The following SEMA3C variants were observed in gnomAD, a reference collection of about 807,000 sequenced individuals.
SEMA3C encodes the protein semaphorin 3C, also known as semaphorin-3C.
A neutral mutation model predicts 89.4 loss-of-function variants in SEMA3C; 47 were observed. That is an observed-to-expected ratio of 0.53 (90% CI 0.42 to 0.67). The LOEUF (loss-of-function observed/expected upper bound fraction) is 0.67. SEMA3C is among the 30% of genes least tolerant of loss of function. SEMA3C has a pLI of 0.00. For synonymous variants in SEMA3C, 310 were observed against 320.2 expected (o/e 0.97, Z 0.34); for missense variants, 839 against 929.1 (o/e 0.90, Z 1.26).
intron 2 of SEMA3C, chr7:80,905,833 G>T: frequency 7.8e-7 from 1 of 1,287,794 alleles, no homozygotes; most frequent in Non-Finnish European, 1.0e-6. Flanking sequence ...ACTTACTAGA[G>T]TAGGTGGTTG....
At chr7:80,785,604 A>C (rs996904189) in intron 12 of SEMA3C, among the ~76,000 whole-genome samples, 1 of 152,150 alleles carries the variant, frequency 6.6e-6, no homozygotes, top group Admixed American at 6.5e-5. Context: ...TTTAGTAACA[A>C]ACAGGAAGAG....
At chr7:80,908,362 T>A (rs933442834) in intron 2 of SEMA3C, among the ~76,000 whole-genome samples, 2 of 152,194 alleles carry the variant, frequency 1.3e-5, no homozygotes, top group African/African-American at 4.8e-5. Flanking sequence ...TGTACAAAGT[T>A]ATGTCTATTT....
At chr7:80,793,375 T>C (rs1788987362) in intron 11 of SEMA3C, 1 of 308,738 alleles carries the variant, frequency 3.2e-6, no homozygotes, top group Admixed American at 4.6e-5. Flanking sequence ...TTTCAGAATA[T>C]ACTTATATGT....
chr7:80,787,164 T>C (rs1024547884), intron 12 of SEMA3C, among the ~76,000 whole-genome samples: 3 of 151,392 alleles, frequency 2.0e-5, no homozygotes, highest in Non-Finnish European at 2.9e-5. Flanking sequence ...GAGGCCAAGG[T>C]GGGTGGATCA....
chr7:80,835,333 TTC>T (rs1275508306), intron 2 of SEMA3C, among the ~76,000 whole-genome samples: 1 of 152,192 alleles, frequency 6.6e-6, no homozygotes, highest in African/African-American at 2.4e-5. Context: ...CATTCTGTTA[TTC>T]TGTTTGGCTA....
intron 15 of SEMA3C, 58 bp downstream of exon 15, chr7:80,758,273 A>C: frequency 6.5e-7 from 1 of 1,532,058 alleles, no homozygotes; most frequent in Non-Finnish European, 8.8e-7. Flanking sequence ...GATGTGAAAC[A>C]CTTCTGTATT....
chr7:80,833,369 G>A (rs765379161), intron 2 of SEMA3C, among the ~76,000 whole-genome samples: 38 of 152,108 alleles, frequency 2.5e-4, no homozygotes, highest in Non-Finnish European at 4.9e-4. Context: ...GCAGAGGCAG[G>A]AGAATCACTT....
chr7:80,919,276 C>G (rs1451232368), upstream of SEMA3C: 3 of 983,922 alleles, frequency 3.0e-6, no homozygotes, highest in African/African-American at 3.6e-5. Context: ...CCTTAGAGCT[C>G]GCGGCTGGCC....
At chr7:80,759,655 C>T (rs535651751) in intron 14 of SEMA3C, among the ~76,000 whole-genome samples, 103 of 152,280 alleles carry the variant, frequency 6.8e-4, no homozygotes, top group Non-Finnish European at 5.4e-4. Context: ...CAGTAAAATA[C>T]CAGTTAAACT....
chr7:80,899,382 C>G (rs900062224), intron 2 of SEMA3C, among the ~76,000 whole-genome samples: 8 of 152,150 alleles, frequency 5.3e-5, no homozygotes, highest in African/African-American at 1.7e-4. Flanking sequence ...TAGACAAAGA[C>G]AAAAGTAAAT....
intron 2 of SEMA3C, among the ~76,000 whole-genome samples, chr7:80,889,295 C>T (rs1396594873): frequency 1.3e-5 from 2 of 152,140 alleles, no homozygotes; most frequent in African/African-American, 2.4e-5. Context: ...GTGAAGTTTA[C>T]AGGAATAAGA....
intron 4 of SEMA3C, among the ~76,000 whole-genome samples, chr7:80,820,040 T>C (rs1789706489): frequency 6.6e-6 from 1 of 150,524 alleles, no homozygotes; most frequent in Non-Finnish European, 1.5e-5. Context: ...CCCTGCTAGG[T>C]ACCATGTATG....
At chr7:80,860,186 G>A (rs759467393) in intron 2 of SEMA3C, among the ~76,000 whole-genome samples, 4 of 151,978 alleles carry the variant, frequency 2.6e-5, no homozygotes, top group Non-Finnish European at 2.9e-5. Flanking sequence ...CTATTGGTTA[G>A]TTTTTATGAT....
At position 80,752,139 on chromosome 7, in the gene SEMA3C, A is replaced by G. The variant is rs1787949986; in HGVS notation, c.1644-803T>C. 5.3e-5 allele frequency among the ~76,000 whole-genome samples: 8 copies of G among 152,198 alleles called. No individual in the cohort carries two copies. In the South Asian group the frequency reaches 1.4e-3, roughly 28 times the overall value. On this transcript the variant is annotated intron_variant, in intron 15 of 17. Coordinates refer to ENST00000265361, the MANE Select transcript of SEMA3C (RefSeq NM_006379.5). The stretch of plus-strand genomic sequence containing the variant: ...TTTTCAACGACAATATTTCAACATA[A>G]CAATATAATTATCTAAATATATTGA...
At chr7:80,825,009 T>A (rs1459102819) in intron 4 of SEMA3C, among the ~76,000 whole-genome samples, 1 of 152,140 alleles carries the variant, frequency 6.6e-6, no homozygotes, top group Non-Finnish European at 1.5e-5. Context: ...AACAACTAAT[T>A]TGTGCAAATT....
intron 12 of SEMA3C, among the ~76,000 whole-genome samples, chr7:80,777,950 A>G (rs1039762570): frequency 6.6e-6 from 1 of 152,146 alleles, no homozygotes. Context: ...TTCATACTTT[A>G]TTTATTCAAC....
At chr7:80,896,506 G>A (rs1020640718) in intron 2 of SEMA3C, among the ~76,000 whole-genome samples, 17 of 152,308 alleles carry the variant, frequency 1.1e-4, no homozygotes, top group African/African-American at 4.1e-4. Context: ...TAAGGTACAT[G>A]CAATATACAA....
intron 2 of SEMA3C, among the ~76,000 whole-genome samples, chr7:80,890,608 C>G (rs1416488616): frequency 6.6e-6 from 1 of 152,086 alleles, no homozygotes; most frequent in Non-Finnish European, 1.5e-5. Flanking sequence ...TCAGTGGTGG[C>G]TGAACTTTCC....
chr7:80,881,851 C>T (rs1445255615), intron 2 of SEMA3C, among the ~76,000 whole-genome samples: 1 of 152,124 alleles, frequency 6.6e-6, no homozygotes, highest in African/African-American at 2.4e-5. Context: ...ATAGAGAAAG[C>T]TTGCTGAGTG....
Sources: gnomAD v4.1 joint callset for allele counts (sites outside exome capture counted in the v4.1 genomes callset) on GRCh38, gnomAD v4.1.1 for gene constraint, MANE v1.5 for transcripts, NCBI Gene and HGNC (gene_info 2026-07-23, HGNC 2026-07-21) for gene names.